ALYREF: variants seen among roughly 807,000 people sequenced by gnomAD.
The protein encoded by ALYREF is THO complex subunit 4.
Under a neutral mutation model 25.2 loss-of-function variants are expected in ALYREF, and 1 was observed. The ratio of observed to expected loss-of-function variants is 0.04; its 90% CI spans 0.01 to 0.19. The LOEUF (loss-of-function observed/expected upper bound fraction) is 0.19, where lower values mean the gene tolerates loss of function less well. ALYREF is among the 10% of genes least tolerant of loss of function. The pLI, the probability that ALYREF is intolerant of heterozygous loss-of-function variation, is 1.00. For synonymous variants in ALYREF, 193 were observed against 153.5 expected, an observed-to-expected ratio of 1.26 and a Z score of -1.90; for missense variants, 328 against 375.6, an observed-to-expected ratio of 0.87 and a Z score of 1.05.
At chr17:81,889,772 T>A (rs935751244) in intron 2 of ALYREF, 1 of 167,150 alleles carries the variant, frequency 6.0e-6, no homozygotes, top group African/African-American at 2.4e-5. Flanking sequence ...CAAAGGCAGA[T>A]TCTGGCTCAC....
chr17:81,891,025 A>C, intron 1 of ALYREF: 1 of 779,846 alleles, frequency 1.3e-6, no homozygotes, highest in Admixed American at 3.0e-5. Flanking sequence ...GTTCCCTTAG[A>C]CTAACTTCCC....
Position 81,891,449 on chromosome 17 carries a change from G to A in ALYREF, c.132C>T (p.Gly44=), listed in dbSNP as rs1457296380. 2.0e-6 allele frequency: 2 copies of A among 1,024,462 alleles called. No homozygotes were observed. The highest frequency in any genetic ancestry group is 1.8e-5 in the African/African-American group (1 of 56,834). 63.5% of individuals were successfully genotyped at this position (1,024,462 alleles called of 1,614,324 possible). A position where few individuals can be genotyped will look rare whatever the true frequency, so the allele number is the denominator to read the frequency against. Residue 44 remains glycine (G), a synonymous_variant, in exon 1 of 6, where the codon GGC becomes GGT. Transcript: ENST00000505490. ...RGRGRAGSQG[G]RGGGAQAAAR... ...CGGCGGCCTGCGCCCCACCGCCGCGGCCGCCCTGGGAGCCGGCCCGGCCGC... is the reference window on the plus strand; with the variant it reads ...CGGCGGCCTGCGCCCCACCGCCGCGACCGCCCTGGGAGCCGGCCCGGCCGC...
In ALYREF at chr17:81,890,669, G is replaced by A. The variant is rs1344661970; in HGVS notation, c.390+20C>T. ...TCCTGTGCAGGGCGAACGGCTCACC[G>A]AGAAGCCCTCGTCTCTTACCTGAAT... On this transcript the variant is annotated intron_variant, in intron 2 of 5. Coordinates refer to ENST00000505490, the MANE Select transcript of ALYREF (RefSeq NM_005782.4). 9.3e-6 allele frequency: 15 copies of A among 1,611,978 alleles called. No homozygotes were observed. Among genetic ancestry groups the A allele is most frequent in the East Asian group, 2.2e-5 (1 of 44,882 alleles).
chr17:81,887,947 T>C lies in ALYREF; in HGVS notation c.*184A>G, dbSNP rs1163350941. 4.3e-6 allele frequency: 3 copies of C among 702,430 alleles called. No individual in the cohort carries two copies. In the African/African-American group the frequency reaches 5.5e-5, roughly 13 times the overall value. 43.5% of individuals were successfully genotyped at this position (702,430 alleles called of 1,614,324 possible). On this transcript the variant is annotated 3_prime_UTR_variant, in exon 6 of 6. Transcript: ENST00000505490. ...AAAATAACTCGGTACAAAACAGGTC[T>C]GTTTCAGAATTAAAAAAAAAAAAAA... is the stretch of plus-strand genomic sequence containing the variant.
Position 81,888,687 on chromosome 17 carries a change from G to A in ALYREF, c.539-104C>T. 1 of 1,519,650 alleles carries A rather than the reference G, an allele frequency of 6.6e-7. No individual in the cohort carries two copies. Among genetic ancestry groups the A allele is most frequent in the Middle Eastern group, 1.7e-4 (1 of 5,866 alleles). 94.1% of individuals were successfully genotyped at this position (1,519,650 alleles called of 1,614,324 possible). On this transcript the variant is annotated intron_variant, in intron 3 of 5. Coordinates refer to ENST00000505490, the MANE Select transcript of ALYREF (RefSeq NM_005782.4). This position sits in a 1 kb window ranked among gnomAD's most constrained non-coding sequence, Gnocchi z 5.8. The stretch of plus-strand genomic sequence containing the variant: ...CATGCAAACACTGGAAAGGGCCTCT[G>A]TGCGTCTCAAATGCCCCCGACAAGG...
At position 81,888,392 on chromosome 17, in the gene ALYREF, T is replaced by C. The variant is rs769254223; in HGVS notation, c.629A>G (p.Asn210Ser). Residue 210 changes from asparagine (N) to serine (S), a missense_variant, in exon 5 of 6, where the codon AAC becomes AGC. Transcript: ENST00000505490. This position sits in a 1 kb window ranked among gnomAD's most constrained non-coding sequence, Gnocchi z 5.8. ...QSVNRGGMTRNRGAGGFGGGG... is the reference protein window; with the variant it reads ...QSVNRGGMTRSRGAGGFGGGG... ...ACCACCAAAACCTCCAGCGCCACGG[T>C]TTCTAGTCATGCCACCTCTGTTTAC... 1 of 1,600,416 alleles carries C rather than the reference T, an allele frequency of 6.2e-7. No individual in the cohort carries two copies. Among genetic ancestry groups the C allele is most frequent in the Non-Finnish European group, 8.5e-7 (1 of 1,174,736 alleles).
At position 81,888,009 on chromosome 17, in the gene ALYREF, C is replaced by T; in HGVS notation, c.*122G>A. On this transcript the variant is annotated 3_prime_UTR_variant, in exon 6 of 6. Coordinates refer to ENST00000505490, the MANE Select transcript of ALYREF (RefSeq NM_005782.4). The surrounding 1 kb of genome is among the most constrained non-coding windows in gnomAD (Gnocchi z 5.8). ...AAACCTTTACATGAGTTTTTAAATC[C>T]TATTTTAAAACATAAAAGAAACAAA... 3 of 1,173,794 alleles carry T rather than the reference C, an allele frequency of 2.6e-6. No individual in the cohort carries two copies. The highest frequency in any genetic ancestry group is 3.4e-5 in the South Asian group (2 of 59,352). The allele number at this position is 1,173,794 out of a possible 1,614,324, so 72.7% of individuals were successfully genotyped here. A position where few individuals can be genotyped will look rare whatever the true frequency, so the allele number is the denominator to read the frequency against.
intron 2 of ALYREF, 121 bp from the exon 3 acceptor site, chr17:81,889,450 T>C: frequency 8.6e-6 from 10 of 1,166,430 alleles, no homozygotes; most frequent in Non-Finnish European, 1.2e-5. Context: ...GGCAGGACAG[T>C]GGTTAACGGG....
Position 81,889,334 on chromosome 17 carries a change from G to C in ALYREF, c.391-5C>G, listed in dbSNP as rs988149685. The C allele has an allele frequency of 4.3e-6, 7 of 1,613,368 alleles. No individual in the cohort carries two copies. The highest frequency in any genetic ancestry group is 5.1e-6 in the Non-Finnish European group (6 of 1,179,310). On this transcript the variant is annotated splice_region_variant and splice_polypyrimidine_tract_variant and intron_variant, in intron 2 of 5. Transcript: ENST00000505490. ...TCCAAATTCAGCAAAGAGTTCCTGGGAGTTGCAGAGAGCAGTTGTCAGAAA... is the reference window on the plus strand; with the variant it reads ...TCCAAATTCAGCAAAGAGTTCCTGGCAGTTGCAGAGAGCAGTTGTCAGAAA...
In ALYREF at chr17:81,888,812, G is replaced by A. The variant is rs1002490307; in HGVS notation, c.539-229C>T. The A allele has an allele frequency of 9.1e-6, 13 of 1,424,242 alleles. No individual in the cohort carries two copies. Among genetic ancestry groups the A allele is most frequent in the Admixed American group, 2.8e-5 (1 of 35,214 alleles). The allele number at this position is 1,424,242 out of a possible 1,614,324, so 88.2% of individuals were successfully genotyped here. On this transcript the variant is annotated intron_variant, in intron 3 of 5. Coordinates refer to ENST00000505490, the MANE Select transcript of ALYREF (RefSeq NM_005782.4). The surrounding 1 kb of genome is among the most constrained non-coding windows in gnomAD (Gnocchi z 5.8). The stretch of plus-strand genomic sequence containing the variant: ...TCAGTCCAGACTAGGTGGGCTGCTC[G>A]CTGAGGTATCGGGGTGCTCGTGGGT...
rs1216261562 is a variant in ALYREF at position 81,888,213 on chromosome 17, G to GCC, written c.780+26_780+27dup. ...TGCTCCCCACTGCGGCTTTGACCAG[G>GCC]CCCCCAGCTGGCTCCCCCGGGACTC... On this transcript the variant is annotated intron_variant, in intron 5 of 5. Transcript: ENST00000505490. The surrounding 1 kb of genome is among the most constrained non-coding windows in gnomAD (Gnocchi z 5.8). 6.2e-7 allele frequency: 1 copy of GCC among 1,613,774 alleles called. No individual in the cohort carries two copies. Among genetic ancestry groups the GCC allele is most frequent in the Admixed American group, 1.7e-5 (1 of 59,990 alleles).
Position 81,888,849 on chromosome 17 carries a change from G to A in ALYREF, c.539-266C>T. The stretch of plus-strand genomic sequence containing the variant: ...GGGTGCTCGTGGGTGGAGAGGTGTG[G>A]GTGACCTGACGAAGAAGAACCGGTA... On this transcript the variant is annotated intron_variant, in intron 3 of 5. Coordinates refer to ENST00000505490, the MANE Select transcript of ALYREF (RefSeq NM_005782.4). This position sits in a 1 kb window ranked among gnomAD's most constrained non-coding sequence, Gnocchi z 5.8. The A allele has an allele frequency of 7.1e-7, 1 of 1,413,804 alleles. No individual in the cohort carries two copies. The highest frequency in any genetic ancestry group is 9.2e-7 in the Non-Finnish European group (1 of 1,086,538). The allele number at this position is 1,413,804 out of a possible 1,614,324, so 87.6% of individuals were successfully genotyped here.
Position 81,888,005 on chromosome 17 carries a change from A to T in ALYREF, c.*126T>A. ...AAAAAAACCTTTACATGAGTTTTTA[A>T]ATCCTATTTTAAAACATAAAAGAAA... is the stretch of plus-strand genomic sequence containing the variant. On this transcript the variant is annotated 3_prime_UTR_variant, in exon 6 of 6. Coordinates refer to ENST00000505490, the MANE Select transcript of ALYREF (RefSeq NM_005782.4). The surrounding 1 kb of genome is among the most constrained non-coding windows in gnomAD (Gnocchi z 5.8). 1 of 1,218,194 alleles carries T rather than the reference A, an allele frequency of 8.2e-7. No individual in the cohort carries two copies. Among genetic ancestry groups the T allele is most frequent in the African/African-American group, 1.5e-5 (1 of 64,812 alleles). The allele number at this position is 1,218,194 out of a possible 1,614,324, so 75.5% of individuals were successfully genotyped here. A position where few individuals can be genotyped will look rare whatever the true frequency, so the allele number is the denominator to read the frequency against.
intron 1 of ALYREF, chr17:81,891,109 G>A (rs546718665): frequency 7.6e-6 from 5 of 655,952 alleles, no homozygotes; most frequent in Non-Finnish European, 1.2e-5. Flanking sequence ...ACAAAGAGCT[G>A]GGAAGGGTCT....
Position 81,889,229 on chromosome 17 carries a change from G to C in ALYREF, c.491C>G (p.Ala164Gly), listed in dbSNP as rs1236652780. The change falls in exon 3 of 6, where the codon GCA becomes GGA. Residue 164 changes from alanine (A) to glycine (G), a missense_variant. By Grantham distance (60) the Ala-to-Gly change is moderately conservative (BLOSUM62 0). This residue lies in a region of ALYREF where 70 missense variants were observed against 129.9 expected (regional missense o/e 0.54). Transcript: ENST00000505490. ...CTGCTTCATGGCCTTCAGGGCATCT[G>C]CCTTCCGCTCAAAGTGCACGTCTGC... ...GTADVHFERK[A>G]DALKAMKQYN... The C allele has an allele frequency of 1.9e-6, 3 of 1,614,106 alleles. No individual in the cohort carries two copies. The highest frequency in any genetic ancestry group is 2.5e-6 in the Non-Finnish European group (3 of 1,180,054).
Position 81,890,858 on chromosome 17 carries a change from C to T in ALYREF, c.259-38G>A, listed in dbSNP as rs1244824140. The T allele has an allele frequency of 3.1e-6, 5 of 1,613,826 alleles. No homozygotes were observed. In the East Asian group the frequency reaches 6.7e-5, roughly 22 times the overall value. ...CCGCAACAAGAGCAGATCTGTGAGTCTCAGTCCAGGGCTTTCCTGACCCTC... is the reference window on the plus strand; with the variant it reads ...CCGCAACAAGAGCAGATCTGTGAGTTTCAGTCCAGGGCTTTCCTGACCCTC... On this transcript the variant is annotated intron_variant, in intron 1 of 5. Transcript: ENST00000505490.
At position 81,888,961 on chromosome 17, in the gene ALYREF, G is replaced by A. The variant is rs910568623; in HGVS notation, c.538+221C>T. ...TTCACAGAAGTGAATCTTCCGGAAG[G>A]AGCTGAAGGAGGGGAGGGATGTAGC... On this transcript the variant is annotated intron_variant, in intron 3 of 5. Transcript: ENST00000505490. The surrounding 1 kb of genome is among the most constrained non-coding windows in gnomAD (Gnocchi z 5.8). The A allele has an allele frequency of 2.1e-6, 3 of 1,420,118 alleles. No individual in the cohort carries two copies. The highest frequency in any genetic ancestry group is 2.8e-6 in the Non-Finnish European group (3 of 1,089,608). 88.0% of individuals were successfully genotyped at this position (1,420,118 alleles called of 1,614,324 possible).
rs545535430 is a variant in ALYREF at position 81,887,958 on chromosome 17, T to TA, written c.*172dup. The TA allele has an allele frequency of 0.081, 37,108 of 458,872 alleles. 24 individuals carry two copies. Among genetic ancestry groups the TA allele is most frequent in the Middle Eastern group, 0.1 (149 of 1,468 alleles). The allele number at this position is 458,872 out of a possible 1,614,324, so 28.4% of individuals were successfully genotyped here. ...GTACAAAACAGGTCTGTTTCAGAAT[T>TA]AAAAAAAAAAAAAAAGAAAAAAAAA... On this transcript the variant is annotated 3_prime_UTR_variant, in exon 6 of 6. Transcript: ENST00000505490.
At chr17:81,890,430 A>T (rs1027465208) in intron 2 of ALYREF, among the ~76,000 whole-genome samples, 33 of 152,208 alleles carry the variant, frequency 2.2e-4, no homozygotes, top group Non-Finnish European at 4.3e-4. Flanking sequence ...TCCCTGTTAG[A>T]AACTGGAAGC....
Sources: allele counts gnomAD v4.1 joint callset (sites outside exome capture counted in the v4.1 genomes callset), GRCh38; gene constraint gnomAD v4.1.1; regional missense constraint gnomAD v4.1.1; non-coding constraint Gnocchi (gnomAD v3.1); transcripts MANE v1.5; gene names NCBI Gene and HGNC (gene_info 2026-07-23, HGNC 2026-07-21).